CSTPP1: variants seen among roughly 807,000 people sequenced by gnomAD.
CSTPP1 encodes the protein UPF0705 protein C11orf49.
At chr11:46,955,675 T>G in the CSTPP1 span, among the ~76,000 whole-genome samples, 3 of 151,950 alleles carry the variant, frequency 2.0e-5, no homozygotes, top group Non-Finnish European at 4.4e-5. Flanking sequence ...CAGCAGTGTC[T>G]TAAGTGTTTG....
the CSTPP1 span, among the ~76,000 whole-genome samples, chr11:47,131,876 C>T: frequency 3.8e-3 from 577 of 152,044 alleles, 3 homozygotes; most frequent in African/African-American, 0.014. Flanking sequence ...ACTCGGGAGG[C>T]TGAGGCAGGA....
chr11:47,015,474 AAAACAAAC>A, the CSTPP1 span, among the ~76,000 whole-genome samples: 5 of 152,102 alleles, frequency 3.3e-5, no homozygotes, highest in African/African-American at 2.4e-5. Flanking sequence ...CTCCGTCTCA[AAAACAAAC>A]AAACAAACAA....
At chr11:46,987,577 T>C in the CSTPP1 span, 1 of 331,894 alleles carries the variant, frequency 3.0e-6, no homozygotes, top group African/African-American at 2.1e-5. Context: ...TCTGTAGGTT[T>C]CTCTTTTAAC....
chr11:47,126,922 G>C, the CSTPP1 span, among the ~76,000 whole-genome samples: 2 of 150,252 alleles, frequency 1.3e-5, no homozygotes, highest in South Asian at 4.2e-4. Context: ...AACAGAGCAA[G>C]ATCCTATCTC....
the CSTPP1 span, among the ~76,000 whole-genome samples, chr11:46,979,154 A>G: frequency 6.6e-6 from 1 of 152,140 alleles, no homozygotes; most frequent in Non-Finnish European, 1.5e-5. Flanking sequence ...CAGGAGTCCT[A>G]CTATGTTGGT....
At chr11:47,057,884 G>A in the CSTPP1 span, among the ~76,000 whole-genome samples, 1 of 152,166 alleles carries the variant, frequency 6.6e-6, no homozygotes, top group Non-Finnish European at 1.5e-5. Flanking sequence ...ACCGGGCACT[G>A]GGTAGAGTTC....
At chr11:47,043,541 T>G in the CSTPP1 span, among the ~76,000 whole-genome samples, 3 of 152,092 alleles carry the variant, frequency 2.0e-5, no homozygotes, top group Non-Finnish European at 4.4e-5. Context: ...TGGACTAGGG[T>G]CTGTCCACAA....
chr11:47,064,038 G>C, the CSTPP1 span, among the ~76,000 whole-genome samples: 1 of 152,058 alleles, frequency 6.6e-6, no homozygotes, highest in Non-Finnish European at 1.5e-5. Context: ...ATGTGAAGTG[G>C]TATCTCATGG....
At chr11:47,156,700 T>C in the CSTPP1 span, among the ~76,000 whole-genome samples, 2 of 151,906 alleles carry the variant, frequency 1.3e-5, no homozygotes, top group African/African-American at 2.4e-5. Flanking sequence ...AGACAATTAA[T>C]GACACAGAAA....
At chr11:47,085,831 G>T in the CSTPP1 span, among the ~76,000 whole-genome samples, 1 of 151,524 alleles carries the variant, frequency 6.6e-6, no homozygotes, top group Admixed American at 6.6e-5. Context: ...CAGAGCCAAG[G>T]TCGCACCATT....
the CSTPP1 span, among the ~76,000 whole-genome samples, chr11:47,127,267 A>T: frequency 6.6e-6 from 1 of 152,184 alleles, no homozygotes; most frequent in Non-Finnish European, 1.5e-5. Flanking sequence ...TCCCTGCCCC[A>T]CAAAATTCTT....
the CSTPP1 span, among the ~76,000 whole-genome samples, chr11:47,156,738 A>G: frequency 6.6e-6 from 1 of 152,214 alleles, no homozygotes; most frequent in East Asian, 1.9e-4. Flanking sequence ...TGCCAGAAAA[A>G]AAAAAGCCTA....
At chr11:47,129,884 C>G in the CSTPP1 span, among the ~76,000 whole-genome samples, 1 of 152,158 alleles carries the variant, frequency 6.6e-6, no homozygotes, top group Non-Finnish European at 1.5e-5. Flanking sequence ...AATACTTTGC[C>G]TAGAACAAAG....
At chr11:47,039,807 CCGT>C in the CSTPP1 span, among the ~76,000 whole-genome samples, 4 of 128,430 alleles carry the variant, frequency 3.1e-5, 2 homozygotes, top group Non-Finnish European at 7.4e-5. Flanking sequence ...CCACTGCAGT[CCGT>C]CCTGGGCGAA....
the CSTPP1 span, among the ~76,000 whole-genome samples, chr11:47,013,188 C>T: frequency 1.4e-5 from 2 of 145,826 alleles, no homozygotes; most frequent in African/African-American, 5.0e-5. Flanking sequence ...CATATATAAC[C>T]ATATGTAGTT....
chr11:47,137,268 G>A, the CSTPP1 span: 1 of 1,304,418 alleles, frequency 7.7e-7, no homozygotes, highest in South Asian at 1.2e-5. Context: ...TACCATGCCA[G>A]AGAATTTCAG....
At chr11:47,156,565 A>G in the CSTPP1 span, among the ~76,000 whole-genome samples, 1 of 152,186 alleles carries the variant, frequency 6.6e-6, no homozygotes, top group Non-Finnish European at 1.5e-5. Context: ...TACCAGTGGG[A>G]GCATACTCAT....
At chr11:47,101,174 T>TA in the CSTPP1 span, among the ~76,000 whole-genome samples, 1 of 87,010 alleles carries the variant, frequency 1.1e-5, no homozygotes, top group African/African-American at 3.8e-5. Flanking sequence ...ATTTTTTTTT[T>TA]TTTTTTTTTT....
At chr11:46,967,937 AG>A in the CSTPP1 span, among the ~76,000 whole-genome samples, 1 of 152,070 alleles carries the variant, frequency 6.6e-6, no homozygotes, top group African/African-American at 2.4e-5. Flanking sequence ...AATTTAGAAA[AG>A]GGGCTCCGGT....
Sources: allele counts gnomAD v4.1 joint callset (sites outside exome capture counted in the v4.1 genomes callset), GRCh38; gene constraint gnomAD v4.1.1; transcripts MANE v1.5; gene names NCBI Gene and HGNC (gene_info 2026-07-23, HGNC 2026-07-21).